Variants in SOX5 observed in about 807,000 individuals in gnomAD.
SOX5 encodes the protein transcription factor SOX-5.
Under a neutral mutation model 92.0 loss-of-function variants are expected in SOX5, and 9 were observed. The ratio of observed to expected loss-of-function variants is 0.10; its 90% CI spans 0.06 to 0.17. SOX5 has a LOEUF of 0.17. SOX5 is among the 10% of genes least tolerant of loss of function. The pLI, the probability that SOX5 is intolerant of heterozygous loss-of-function variation, is 1.00. For missense variants in SOX5, 642 were observed against 944.5 expected (o/e 0.68, Z 4.20); for synonymous variants, 344 against 336.3 (o/e 1.02, Z -0.25).
At chr12:24,095,071 T>C (rs1294859885) in intron 4 of SOX5, among the ~76,000 whole-genome samples, 2 of 150,510 alleles carry the variant, frequency 1.3e-5, no homozygotes, top group African/African-American at 2.5e-5. Context: ...TTTTACTTTC[T>C]TATAATTTCT....
intron 4 of SOX5, among the ~76,000 whole-genome samples, chr12:24,127,406 G>GATAATAATAATAATAATA (rs35206737): frequency 1.4e-5 from 2 of 147,176 alleles, no homozygotes; most frequent in South Asian, 4.3e-4. Flanking sequence ...TAATAATAAT[G>GATAATAATAATAATAATA]ATAATAATAA....
chr12:23,550,498 C>T (rs766552618), intron 11 of SOX5, among the ~76,000 whole-genome samples: 6 of 151,642 alleles, frequency 4.0e-5, no homozygotes, highest in Non-Finnish European at 8.8e-5. Context: ...GACAGGGAAT[C>T]TAACATGTGA....
intron 3 of SOX5, among the ~76,000 whole-genome samples, chr12:23,793,340 G>A (rs910599902): frequency 6.6e-6 from 1 of 152,058 alleles, no homozygotes; most frequent in South Asian, 2.1e-4. Context: ...AGGGTGAGGG[G>A]CAGACACTAA....
intron 2 of SOX5, 49 bp from the exon 3 acceptor site, chr12:23,846,242 G>A (rs1266161808): frequency 1.5e-6 from 2 of 1,352,098 alleles, no homozygotes; most frequent in African/African-American, 2.9e-5. Context: ...GAAAGAGAGA[G>A]CAAAAGGACA....
chr12:24,493,430 A>T (rs1429521055), intron 1 of SOX5, among the ~76,000 whole-genome samples: 1 of 152,224 alleles, frequency 6.6e-6, no homozygotes, highest in Non-Finnish European at 1.5e-5. Context: ...ATACTAATGT[A>T]TTAAAACTGG....
chr12:24,250,875 G>GCC (rs980304560), intron 3 of SOX5, among the ~76,000 whole-genome samples: 2 of 152,136 alleles, frequency 1.3e-5, no homozygotes, highest in African/African-American at 4.8e-5. Context: ...ACAGAGGCAG[G>GCC]CCCACAATTC....
intron 1 of SOX5, among the ~76,000 whole-genome samples, chr12:23,921,858 A>T (rs954206968): frequency 6.6e-6 from 1 of 152,206 alleles, no homozygotes; most frequent in Non-Finnish European, 1.5e-5. Flanking sequence ...AGCAGAATCC[A>T]AACCGGAAAA....
chr12:24,310,388 C>A (rs1269447206), intron 2 of SOX5, among the ~76,000 whole-genome samples: 1 of 152,062 alleles, frequency 6.6e-6, no homozygotes, highest in Non-Finnish European at 1.5e-5. Context: ...AGAAGAAGCC[C>A]CAACTTTGTG....
intron 2 of SOX5, among the ~76,000 whole-genome samples, chr12:24,307,486 GA>G (rs1191033783): frequency 8.8e-4 from 27 of 30,714 alleles, no homozygotes; most frequent in African/African-American, 1.4e-3. Flanking sequence ...AGGAAGGAAG[GA>G]AGGAAGGAAG....
intron 1 of SOX5, among the ~76,000 whole-genome samples, chr12:24,432,774 T>G (rs1938612084): frequency 6.6e-6 from 1 of 152,080 alleles, no homozygotes; most frequent in Non-Finnish European, 1.5e-5. Context: ...ATCGCACCAC[T>G]GCACTCCAGC....
At chr12:24,442,416 A>C (rs1391448407) in intron 1 of SOX5, among the ~76,000 whole-genome samples, 1 of 152,258 alleles carries the variant, frequency 6.6e-6, no homozygotes, top group East Asian at 1.9e-4. Context: ...CAGAAAAGAC[A>C]ATAAACACAA....
chr12:23,670,845 G>A (rs2084661588), intron 6 of SOX5, among the ~76,000 whole-genome samples: 1 of 152,196 alleles, frequency 6.6e-6, no homozygotes, highest in South Asian at 2.1e-4. Flanking sequence ...AAGATGCCAA[G>A]ACCTTAGGTG....
intron 4 of SOX5, among the ~76,000 whole-genome samples, chr12:24,164,400 C>T (rs1293895282): frequency 1.3e-5 from 2 of 151,988 alleles, no homozygotes; most frequent in African/African-American, 4.8e-5. Flanking sequence ...TCTAATTTCT[C>T]ACTCCTAGGC....
At chr12:24,309,405 GAAGT>G (rs1441340344) in intron 2 of SOX5, among the ~76,000 whole-genome samples, 1 of 152,108 alleles carries the variant, frequency 6.6e-6, no homozygotes, top group Non-Finnish European at 1.5e-5. Flanking sequence ...TGTTTGCTGA[GAAGT>G]AAGCTATTAT....
At chr12:23,764,815 A>G (rs1355604091) in intron 3 of SOX5, among the ~76,000 whole-genome samples, 1 of 152,124 alleles carries the variant, frequency 6.6e-6, no homozygotes, top group South Asian at 2.1e-4. Context: ...AAATTATGAC[A>G]GAATGTTTTA....
At chr12:23,814,059 AAAG>A (rs1182596282) in intron 3 of SOX5, among the ~76,000 whole-genome samples, 1 of 152,172 alleles carries the variant, frequency 6.6e-6, no homozygotes, top group African/African-American at 2.4e-5. Context: ...TTATAAATTA[AAAG>A]AATATTTATT....
intron 1 of SOX5, among the ~76,000 whole-genome samples, chr12:24,557,854 C>T (rs1953959956): frequency 6.6e-6 from 1 of 152,158 alleles, no homozygotes; most frequent in Non-Finnish European, 1.5e-5. Flanking sequence ...CACTAGTACT[C>T]CCCAAGATAC....
intron 4 of SOX5, among the ~76,000 whole-genome samples, chr12:24,152,475 A>G (rs1187103559): frequency 6.6e-6 from 1 of 152,136 alleles, no homozygotes; most frequent in Non-Finnish European, 1.5e-5. Context: ...TGACCTGCTT[A>G]TCTTATCTGT....
At chr12:23,782,872 T>G (rs2095309036) in intron 3 of SOX5, among the ~76,000 whole-genome samples, 1 of 151,892 alleles carries the variant, frequency 6.6e-6, no homozygotes, top group African/African-American at 2.4e-5. Context: ...ACATGAATTT[T>G]TGTGTGTGTG....
Sources: gnomAD v4.1 joint callset for allele counts (sites outside exome capture counted in the v4.1 genomes callset) on GRCh38, gnomAD v4.1.1 for gene constraint, MANE v1.5 for transcripts, NCBI Gene and HGNC (gene_info 2026-07-23, HGNC 2026-07-21) for gene names.